Variants in ZNF385D observed in about 807,000 individuals in gnomAD.
ZNF385D encodes the protein zinc finger protein 385D, also known as zinc finger protein 659.
Under a neutral mutation model 35.8 loss-of-function variants are expected in ZNF385D, and 15 were observed. The observed-to-expected ratio is 0.42, with a 90% CI of 0.28 to 0.64. The LOEUF is 0.64. ZNF385D is among the 30% of genes least tolerant of loss of function. The pLI, the probability that ZNF385D is intolerant of heterozygous loss-of-function variation, is 0.23. For missense variants in ZNF385D, 474 were observed against 494.6 expected, an observed-to-expected ratio of 0.96 and a Z score of 0.39; for synonymous variants, 212 against 186.8, an observed-to-expected ratio of 1.13 and a Z score of -1.10.
At chr3:22,014,743 G>T (rs895259213) in intron 3 of ZNF385D, among the ~76,000 whole-genome samples, 1 of 152,028 alleles carries the variant, frequency 6.6e-6, no homozygotes, top group Non-Finnish European at 1.5e-5. Flanking sequence ...GCTAAGAATT[G>T]TGATTAAATA....
At chr3:22,129,660 C>A (rs1432933627) in intron 3 of ZNF385D, among the ~76,000 whole-genome samples, 1 of 151,848 alleles carries the variant, frequency 6.6e-6, no homozygotes, top group Non-Finnish European at 1.5e-5. Flanking sequence ...TTATTCAAGA[C>A]CCAAGGGCTC....
intron 3 of ZNF385D, among the ~76,000 whole-genome samples, chr3:21,932,585 G>A (rs1397815526): frequency 6.6e-6 from 1 of 151,836 alleles, no homozygotes; most frequent in Admixed American, 6.6e-5. Flanking sequence ...TACGTGGGGA[G>A]ACAAAAGCTT....
At chr3:21,674,922 G>A in intron 1 of ZNF385D, among the ~76,000 whole-genome samples, 1 of 151,120 alleles carries the variant, frequency 6.6e-6, no homozygotes, top group East Asian at 2.0e-4. Flanking sequence ...ATGGATGGAT[G>A]GATGGATGGA....
chr3:21,841,438 T>TAA (rs11430776), intron 3 of ZNF385D, among the ~76,000 whole-genome samples: 1 of 151,828 alleles, frequency 6.6e-6, no homozygotes, highest in Admixed American at 6.6e-5. Context: ...CATTTCATTT[T>TAA]AAAAAAAGTC....
At chr3:21,566,930 A>G (rs575127377) in intron 2 of ZNF385D, among the ~76,000 whole-genome samples, 1 of 152,156 alleles carries the variant, frequency 6.6e-6, no homozygotes, top group Admixed American at 6.5e-5. Flanking sequence ...GCCATTTCAC[A>G]TAAATGTTAT....
chr3:22,321,062 T>C (rs559600153), intron 2 of ZNF385D, among the ~76,000 whole-genome samples: 3 of 151,834 alleles, frequency 2.0e-5, no homozygotes, highest in Non-Finnish European at 4.4e-5. Flanking sequence ...TTTACAATTG[T>C]TTCAGAAACT....
chr3:22,231,949 G>C (rs1698918320), intron 2 of ZNF385D, among the ~76,000 whole-genome samples: 1 of 152,046 alleles, frequency 6.6e-6, no homozygotes, highest in Non-Finnish European at 1.5e-5. Flanking sequence ...CTCTGGCCAT[G>C]GAAGACGTGC....
At chr3:22,166,620 G>C (rs1706347177) in intron 3 of ZNF385D, among the ~76,000 whole-genome samples, 1 of 152,168 alleles carries the variant, frequency 6.6e-6, no homozygotes, top group Non-Finnish European at 1.5e-5. Context: ...TGTATATAAA[G>C]CCTTTAATAA....
At chr3:22,092,484 T>C (rs1325976771) in intron 3 of ZNF385D, among the ~76,000 whole-genome samples, 1 of 152,128 alleles carries the variant, frequency 6.6e-6, no homozygotes, top group Non-Finnish European at 1.5e-5. Context: ...GTGGATGGCT[T>C]CTACTGATAT....
intron 3 of ZNF385D, chr3:21,511,884 C>T (rs546694235): frequency 2.3e-6 from 1 of 435,226 alleles, no homozygotes; most frequent in East Asian, 7.0e-5. Flanking sequence ...CGTGGTGGCT[C>T]ATGACTGTAA....
At chr3:21,999,049 C>G (rs934904756) in intron 3 of ZNF385D, among the ~76,000 whole-genome samples, 16 of 152,178 alleles carry the variant, frequency 1.1e-4, no homozygotes, top group Admixed American at 3.3e-4. Flanking sequence ...ACTACACCTC[C>G]TAAGTCCTGT....
At chr3:21,793,131 A>G (rs2071998010) in intron 3 of ZNF385D, among the ~76,000 whole-genome samples, 2 of 152,238 alleles carry the variant, frequency 1.3e-5, no homozygotes, top group South Asian at 4.1e-4. Context: ...ATAGAATTCA[A>G]TGCCAATGTA....
intron 4 of ZNF385D, among the ~76,000 whole-genome samples, chr3:21,503,944 A>C (rs1243619431): frequency 6.6e-6 from 1 of 152,178 alleles, no homozygotes; most frequent in Non-Finnish European, 1.5e-5. Context: ...TGAGTACAAC[A>C]TCCCTGGTTT....
At chr3:21,994,949 A>C (rs2125402787) in intron 3 of ZNF385D, among the ~76,000 whole-genome samples, 1 of 152,254 alleles carries the variant, frequency 6.6e-6, no homozygotes, top group South Asian at 2.1e-4. Context: ...TGGGTGTGTA[A>C]ACACTTGAGC....
intron 3 of ZNF385D, among the ~76,000 whole-genome samples, chr3:21,981,660 T>C (rs191504369): frequency 6.6e-6 from 1 of 152,214 alleles, no homozygotes; most frequent in South Asian, 2.1e-4. Context: ...AGGGTGGTAT[T>C]GCCTAGATTG....
chr3:21,882,964 T>G (rs988665967), intron 3 of ZNF385D, among the ~76,000 whole-genome samples: 1 of 151,994 alleles, frequency 6.6e-6, no homozygotes, highest in Non-Finnish European at 1.5e-5. Flanking sequence ...CTCTGGAGAA[T>G]AGTATATAAT....
At chr3:21,426,261 A>G (rs776060400) in intron 5 of ZNF385D, among the ~76,000 whole-genome samples, 1 of 152,172 alleles carries the variant, frequency 6.6e-6, no homozygotes, top group African/African-American at 2.4e-5. Context: ...ACAAATCCAT[A>G]TTAGAATAGT....
chr3:22,326,746 A>G (rs957485080), intron 2 of ZNF385D, among the ~76,000 whole-genome samples: 1 of 152,246 alleles, frequency 6.6e-6, no homozygotes, highest in Non-Finnish European at 1.5e-5. Flanking sequence ...TGTATTGACC[A>G]TAAGTGTACA....
At chr3:21,781,336 AC>A (rs1204775255) in intron 3 of ZNF385D, among the ~76,000 whole-genome samples, 1 of 152,032 alleles carries the variant, frequency 6.6e-6, no homozygotes, top group Non-Finnish European at 1.5e-5. Flanking sequence ...GACCTTCCAT[AC>A]CCTTCCATAT....
Sources: gnomAD v4.1 joint callset for allele counts (sites outside exome capture counted in the v4.1 genomes callset) on GRCh38, gnomAD v4.1.1 for gene constraint, MANE v1.5 for transcripts, NCBI Gene and HGNC (gene_info 2026-07-23, HGNC 2026-07-21) for gene names.